RASAL2: variants seen among roughly 807,000 people sequenced by gnomAD.
The protein encoded by RASAL2 is ras GTPase-activating protein nGAP.
Under a neutral mutation model 128.9 loss-of-function variants are expected in RASAL2, and 58 were observed. The observed-to-expected ratio is 0.45, with a 90% confidence interval of 0.36 to 0.56. The LOEUF (loss-of-function observed/expected upper bound fraction) is 0.56, where lower values mean the gene tolerates loss of function less well. RASAL2 is among the 20% of genes least tolerant of loss of function. The pLI, the probability that RASAL2 is intolerant of heterozygous loss-of-function variation, is 0.00. For synonymous variants in RASAL2, 561 were observed against 580.8 expected (o/e 0.97, Z 0.49); for missense variants, 1,360 against 1,601.6 (o/e 0.85, Z 2.57).
At chr1:178,121,462 A>G (rs779679611) in intron 1 of RASAL2, among the ~76,000 whole-genome samples, 10 of 151,580 alleles carry the variant, frequency 6.6e-5, no homozygotes, top group Non-Finnish European at 4.4e-5. Flanking sequence ...GAAATCAAGT[A>G]TTTCTGCTTT....
At chr1:178,304,610 T>C (rs1392426999) in intron 3 of RASAL2, among the ~76,000 whole-genome samples, 2 of 152,190 alleles carry the variant, frequency 1.3e-5, no homozygotes, top group African/African-American at 2.4e-5. Flanking sequence ...TAATGGTATG[T>C]GGCAGCAGAA....
intron 1 of RASAL2, among the ~76,000 whole-genome samples, chr1:178,196,882 T>C (rs1263963971): frequency 1.3e-5 from 2 of 152,218 alleles, no homozygotes; most frequent in Non-Finnish European, 2.9e-5. Context: ...GAAATACTCT[T>C]ATATACCATC....
At position 178,157,096 on chromosome 1, in the gene RASAL2, G is replaced by A. The variant is rs147040389; in HGVS notation, c.202+62402G>A. Among the ~76,000 whole-genome samples, 257 of 152,186 alleles carry A rather than the reference G, an allele frequency of 1.7e-3. 2 individuals carry two copies. The highest frequency in any genetic ancestry group is 6.0e-3 in the African/African-American group (249 of 41,546). On this transcript the variant is annotated intron_variant, in intron 1 of 17. Transcript: ENST00000367649. ...GGGCTTTGACTGTCATAAAAATAAT[G>A]TTTTAAAACATTATATATTGACTTC...
intron 4 of RASAL2, among the ~76,000 whole-genome samples, chr1:178,402,072 T>C (rs1295451681): frequency 2.0e-5 from 3 of 152,186 alleles, no homozygotes; most frequent in African/African-American, 7.2e-5. Context: ...TTTTCTGTAG[T>C]AATGAAATAT....
intron 4 of RASAL2, among the ~76,000 whole-genome samples, chr1:178,394,546 T>C (rs1159203353): frequency 1.3e-5 from 2 of 152,238 alleles, no homozygotes; most frequent in African/African-American, 4.8e-5. Flanking sequence ...TACCATCAAT[T>C]TGGCTTCGGT....
intron 1 of RASAL2, among the ~76,000 whole-genome samples, chr1:178,139,037 A>C (rs1217221504): frequency 6.6e-6 from 1 of 152,134 alleles, no homozygotes; most frequent in Non-Finnish European, 1.5e-5. Flanking sequence ...ATATATAATA[A>C]ATACAAAGTA....
chr1:178,408,036 T>A, intron 4 of RASAL2, among the ~76,000 whole-genome samples: 1 of 152,246 alleles, frequency 6.6e-6, no homozygotes, highest in East Asian at 1.9e-4. Context: ...CTGTTGCTAA[T>A]TTTAAGCCTT....
intron 5 of RASAL2, among the ~76,000 whole-genome samples, chr1:178,424,218 G>GTT (rs74384566): frequency 6.3e-5 from 9 of 142,210 alleles, no homozygotes; most frequent in African/African-American, 1.0e-4. Flanking sequence ...AAGTGTTGTG[G>GTT]TTTTTTTTTT....
chr1:178,346,461 A>G (rs917052775), intron 3 of RASAL2, among the ~76,000 whole-genome samples: 10 of 152,000 alleles, frequency 6.6e-5, no homozygotes, highest in Non-Finnish European at 1.0e-4. Context: ...ACATCCTGAT[A>G]TTTTCCTTGA....
chr1:178,454,701 A>G lies in RASAL2; in HGVS notation c.2211+53A>G, dbSNP rs1677641388. The G allele has an allele frequency of 2.0e-6, 3 of 1,503,828 alleles. No homozygotes were observed. In the Admixed American group the frequency reaches 5.1e-5, roughly 25 times the overall value. The allele number at this position is 1,503,828 out of a possible 1,614,324, so 93.2% of individuals were successfully genotyped here. A position where few individuals can be genotyped will look rare whatever the true frequency, so the allele number is the denominator to read the frequency against. ...ACTTTAATGTACCTGAATTCTGGAA[A>G]GTAACTATAGAGTGATAGCACTCAC... On this transcript the variant is annotated intron_variant, in intron 12 of 17. Coordinates refer to ENST00000367649, the MANE Select transcript of RASAL2 (RefSeq NM_170692.4).
chr1:178,447,673 TAAAAAAA>T (rs60358768), intron 9 of RASAL2, among the ~76,000 whole-genome samples: 2,242 of 55,890 alleles, frequency 0.04, 34 homozygotes, highest in South Asian at 0.093. Flanking sequence ...CTCCTTCTCT[TAAAAAAA>T]AAAAAAAAAA....
At chr1:178,314,517 G>C (rs567648672) in intron 3 of RASAL2, among the ~76,000 whole-genome samples, 70 of 152,222 alleles carry the variant, frequency 4.6e-4, no homozygotes, top group African/African-American at 1.6e-3. Flanking sequence ...GTTTCAAACT[G>C]TCATTTTATG....
At chr1:178,285,082 T>A (rs1326128870) in intron 2 of RASAL2, among the ~76,000 whole-genome samples, 2 of 151,546 alleles carry the variant, frequency 1.3e-5, no homozygotes, top group Non-Finnish European at 2.9e-5. Flanking sequence ...CTTCTTGTAT[T>A]TTAATAGGCA....
At chr1:178,114,378 T>G (rs1659448816) in intron 1 of RASAL2, among the ~76,000 whole-genome samples, 1 of 152,130 alleles carries the variant, frequency 6.6e-6, no homozygotes, top group East Asian at 1.9e-4. Flanking sequence ...TTCCCTCCTA[T>G]TTTTAGTTTC....
Position 178,411,809 on chromosome 1 carries a change from G to C in RASAL2, c.565-8702G>C, listed in dbSNP as rs1572027491. On this transcript the variant is annotated intron_variant, in intron 4 of 17. Coordinates refer to ENST00000367649, the MANE Select transcript of RASAL2 (RefSeq NM_170692.4). ...TTGGCTGCCCAGGATGTGGCCCAGA[G>C]GTGCAAGGAGCCAGGTATCACTGCC... 5.2e-6 allele frequency: 4 copies of C among 772,188 alleles called. No homozygotes were observed. In the East Asian group the frequency reaches 9.8e-5, roughly 19 times the overall value. The allele number at this position is 772,188 out of a possible 1,614,324, so 47.8% of individuals were successfully genotyped here.
intron 1 of RASAL2, among the ~76,000 whole-genome samples, chr1:178,271,778 C>G (rs1157133964): frequency 6.6e-6 from 1 of 152,190 alleles, no homozygotes; most frequent in Non-Finnish European, 1.5e-5. Flanking sequence ...TAAAAATCAA[C>G]CTCCTTAACC....
chr1:178,167,733 C>CT (rs939010852), intron 1 of RASAL2, among the ~76,000 whole-genome samples: 14 of 151,020 alleles, frequency 9.3e-5, no homozygotes, highest in Non-Finnish European at 1.5e-4. Flanking sequence ...TTCTTTCTTC[C>CT]TTTTTTTTTA....
chr1:178,125,778 C>T (rs1464289712), intron 1 of RASAL2, among the ~76,000 whole-genome samples: 5 of 151,950 alleles, frequency 3.3e-5, no homozygotes, highest in African/African-American at 7.3e-5. Context: ...ATATATAATC[C>T]TACATTTTAG....
At chr1:178,461,054 T>A (rs1188702180) in intron 14 of RASAL2, among the ~76,000 whole-genome samples, 2 of 152,108 alleles carry the variant, frequency 1.3e-5, no homozygotes, top group African/African-American at 2.4e-5. Flanking sequence ...CCTCAAGTGA[T>A]CCACCTGCCT....
Sources: allele counts gnomAD v4.1 joint callset (sites outside exome capture counted in the v4.1 genomes callset), GRCh38; gene constraint gnomAD v4.1.1; transcripts MANE v1.5; gene names NCBI Gene and HGNC (gene_info 2026-07-23, HGNC 2026-07-21).